The following TACR3 variants were observed in gnomAD, a reference collection of about 807,000 sequenced individuals.
The protein encoded by TACR3 is neuromedin-K receptor.
In TACR3, 34 loss-of-function variants were observed where a neutral mutation model predicts 35.0. The ratio of observed to expected loss-of-function variants is 0.97; its 90% CI spans 0.74 to 1.30. TACR3 has a LOEUF of 1.30. Ranked by LOEUF, TACR3 falls within the 50% of genes most tolerant of loss-of-function variation. The pLI, the probability that TACR3 is intolerant of heterozygous loss-of-function variation, is 0.00. For missense variants in TACR3, 558 were observed against 591.7 expected (o/e 0.94, Z 0.59); for synonymous variants, 233 against 221.1 (o/e 1.05, Z -0.48).
Position 103,589,658 on chromosome 4 carries a change from A to G in TACR3, c.*24T>C, listed in dbSNP as rs1450492810. On this transcript the variant is annotated 3_prime_UTR_variant, in exon 5 of 5. Transcript: ENST00000304883. Reference sequence around the variant, plus strand: ...ACTGGCACCATGATGGTCTCACACTAATCTTTTACCTCAGGAAATGGAATT... The same window carrying G: ...ACTGGCACCATGATGGTCTCACACTGATCTTTTACCTCAGGAAATGGAATT... The G allele has an allele frequency of 6.2e-7, 1 of 1,613,088 alleles. No homozygotes were observed. Among genetic ancestry groups the G allele is most frequent in the Non-Finnish European group, 8.5e-7 (1 of 1,179,250 alleles).
At chr4:103,597,376 G>C (rs2110287151) in intron 3 of TACR3, among the ~76,000 whole-genome samples, 1 of 152,074 alleles carries the variant, frequency 6.6e-6, no homozygotes, top group Non-Finnish European at 1.5e-5. Flanking sequence ...CTAAATGCTT[G>C]GAATAAAAAT....
At chr4:103,604,902 C>A (rs1490547574) in intron 3 of TACR3, among the ~76,000 whole-genome samples, 2 of 150,638 alleles carry the variant, frequency 1.3e-5, no homozygotes, top group African/African-American at 2.5e-5. Flanking sequence ...CATATGTATA[C>A]ATGTGCCATG....
Position 103,655,773 on chromosome 4 carries a change from A to G in TACR3, c.888+421T>C, listed in dbSNP as rs543016749. 2.0e-5 allele frequency among the ~76,000 whole-genome samples: 3 copies of G among 152,186 alleles called. No individual in the cohort carries two copies. In the East Asian group the frequency reaches 5.8e-4, roughly 29 times the overall value. ...CAGGAAAGATAGATGTATATTAGAA[A>G]ATTATTGCACTTTCTAGAAGAGATG... On this transcript the variant is annotated intron_variant, in intron 3 of 4. Coordinates refer to ENST00000304883, the MANE Select transcript of TACR3 (RefSeq NM_001059.3).
intron 3 of TACR3, among the ~76,000 whole-genome samples, chr4:103,601,250 C>G (rs1333672390): frequency 6.6e-6 from 1 of 151,984 alleles, no homozygotes; most frequent in Non-Finnish European, 1.5e-5. Context: ...GTAGATTTTC[C>G]TCCATCCCTT....
At chr4:103,686,195 A>G (rs1014069313) in intron 1 of TACR3, among the ~76,000 whole-genome samples, 1 of 152,162 alleles carries the variant, frequency 6.6e-6, no homozygotes, top group Admixed American at 6.6e-5. Context: ...CCACTTAGAA[A>G]AGACAGGAAA....
chr4:103,671,231 T>C (rs977722976), intron 1 of TACR3, among the ~76,000 whole-genome samples: 5 of 152,168 alleles, frequency 3.3e-5, no homozygotes, highest in African/African-American at 1.2e-4. Flanking sequence ...AATATTGGTC[T>C]GCAGTTTTTA....
intron 1 of TACR3, among the ~76,000 whole-genome samples, chr4:103,668,226 G>A (rs1725975248): frequency 6.6e-6 from 1 of 152,178 alleles, no homozygotes; most frequent in African/African-American, 2.4e-5. Context: ...TTGCAGTAAA[G>A]CAAGTCACAG....
chr4:103,672,851 T>C (rs1726082840), intron 1 of TACR3, among the ~76,000 whole-genome samples: 2 of 152,182 alleles, frequency 1.3e-5, no homozygotes, highest in South Asian at 4.1e-4. Context: ...ACATTGAAAA[T>C]CTGTTCTTTA....
intron 3 of TACR3, among the ~76,000 whole-genome samples, chr4:103,650,248 C>A (rs544302562): frequency 6.3e-4 from 95 of 151,808 alleles, no homozygotes; most frequent in Non-Finnish European, 1.1e-3. Flanking sequence ...GTGACACAAG[C>A]AGCCTGTGGC....
At chr4:103,694,259 A>T (rs9996955) in intron 1 of TACR3, among the ~76,000 whole-genome samples, 1 of 148,220 alleles carries the variant, frequency 6.7e-6, no homozygotes, top group East Asian at 1.9e-4. Context: ...AGCTTACACC[A>T]TGCACACTTA....
chr4:103,607,456 TTAAAA>T (rs1724406396), intron 3 of TACR3, among the ~76,000 whole-genome samples: 1 of 151,854 alleles, frequency 6.6e-6, no homozygotes, highest in African/African-American at 2.4e-5. Flanking sequence ...AAAATATTAT[TTAAAA>T]TAAATAAAAC....
rs1252481886 is a variant in TACR3 at position 103,586,973 on chromosome 4, T to C, written c.*2709A>G. Reference sequence around the variant, plus strand: ...TGTTTAAAAATATTTTGAATTTTTCTGATACTGATCTAAGTAAAAAAACCT... The same window carrying C: ...TGTTTAAAAATATTTTGAATTTTTCCGATACTGATCTAAGTAAAAAAACCT... On this transcript the variant is annotated 3_prime_UTR_variant, in exon 5 of 5. Coordinates refer to ENST00000304883, the MANE Select transcript of TACR3 (RefSeq NM_001059.3). The C allele has an allele frequency of 1.3e-5, 2 of 152,096 alleles. No individual in the cohort carries two copies. Among genetic ancestry groups the C allele is most frequent in the Non-Finnish European group, 2.9e-5 (2 of 68,002 alleles). 9.4% of individuals were successfully genotyped at this position (152,096 alleles called of 1,614,324 possible).
chr4:103,684,027 C>A (rs558949837), intron 1 of TACR3, among the ~76,000 whole-genome samples: 1 of 151,838 alleles, frequency 6.6e-6, no homozygotes, highest in South Asian at 2.1e-4. Context: ...TGAAGTTCAA[C>A]GTCAATTTAA....
At chr4:103,635,177 G>A (rs759048227) in intron 3 of TACR3, among the ~76,000 whole-genome samples, 28 of 151,990 alleles carry the variant, frequency 1.8e-4, no homozygotes, top group Non-Finnish European at 2.4e-4. Context: ...TGTACTATAA[G>A]TATGATTTAA....
At chr4:103,661,457 T>A (rs1725835427) in intron 1 of TACR3, among the ~76,000 whole-genome samples, 1 of 152,150 alleles carries the variant, frequency 6.6e-6, no homozygotes, top group African/African-American at 2.4e-5. Flanking sequence ...CTCATTATAA[T>A]CTTTTGCTTT....
chr4:103,601,281 C>T (rs545887147), intron 3 of TACR3, among the ~76,000 whole-genome samples: 1 of 151,992 alleles, frequency 6.6e-6, no homozygotes, highest in African/African-American at 2.4e-5. Flanking sequence ...CTATGTGTGT[C>T]TCTGCATGTG....
intron 1 of TACR3, among the ~76,000 whole-genome samples, chr4:103,676,757 C>A (rs1289458200): frequency 6.6e-6 from 1 of 152,032 alleles, no homozygotes; most frequent in Admixed American, 6.6e-5. Flanking sequence ...CCCATAAAAA[C>A]CCTGGAAGAC....
At chr4:103,695,258 C>A (rs188352985) in intron 1 of TACR3, among the ~76,000 whole-genome samples, 1 of 152,080 alleles carries the variant, frequency 6.6e-6, no homozygotes, top group Non-Finnish European at 1.5e-5. Context: ...CACTTATACG[C>A]GGATTGTTTT....
chr4:103,694,292 C>A (rs1722475724), intron 1 of TACR3, among the ~76,000 whole-genome samples: 1 of 149,712 alleles, frequency 6.7e-6, no homozygotes, highest in Non-Finnish European at 1.5e-5. Flanking sequence ...CTTGGGAGTT[C>A]CAGGGACTAA....
Sources: gnomAD v4.1 joint callset for allele counts (sites outside exome capture counted in the v4.1 genomes callset) on GRCh38, gnomAD v4.1.1 for gene constraint, MANE v1.5 for transcripts, NCBI Gene and HGNC (gene_info 2026-07-23, HGNC 2026-07-21) for gene names.